SDK2: variants seen among roughly 807,000 people sequenced by gnomAD.
SDK2 encodes protein sidekick-2.
SDK2 carries 105 observed loss-of-function variants against 253.9 expected under a neutral mutation model. The ratio of observed to expected loss-of-function variants is 0.41; its 90% CI spans 0.35 to 0.49. SDK2 has a LOEUF of 0.49. Ranked by LOEUF, SDK2 falls within the 20% of genes least tolerant of loss-of-function variation. SDK2 has a pLI of 0.06. For missense variants in SDK2, 2,608 were observed against 3,003.0 expected, an observed-to-expected ratio of 0.87 and a Z score of 3.07; for synonymous variants, 1,249 against 1,234.9, an observed-to-expected ratio of 1.01 and a Z score of -0.24.
At chr17:73,429,380 G>A (rs767948669) in intron 12 of SDK2, among the ~76,000 whole-genome samples, 3 of 152,224 alleles carry the variant, frequency 2.0e-5, no homozygotes, top group Admixed American at 6.5e-5. Context: ...TTGTGCTAGC[G>A]TCATGTGATG....
intron 1 of SDK2, among the ~76,000 whole-genome samples, chr17:73,571,921 C>G (rs1567849813): frequency 6.6e-6 from 1 of 152,192 alleles, no homozygotes; most frequent in Non-Finnish European, 1.5e-5. Flanking sequence ...CATGGCCAAC[C>G]TCACGGCCCA....
chr17:73,418,941 C>T (rs866274159), intron 16 of SDK2, among the ~76,000 whole-genome samples: 1 of 152,126 alleles, frequency 6.6e-6, no homozygotes, highest in Non-Finnish European at 1.5e-5. Context: ...ATAGCCTCCC[C>T]TCTCACGCAT....
chr17:73,618,635 C>T lies in SDK2; in HGVS notation c.64+25390G>A, dbSNP rs765899818. Reference sequence around the variant, plus strand: ...CTAGAGTCCACGTGGTGCCCAAGAACGGCATGGGGGAGTCAGGGAAGCAGA... The same window carrying T: ...CTAGAGTCCACGTGGTGCCCAAGAATGGCATGGGGGAGTCAGGGAAGCAGA... On this transcript the variant is annotated intron_variant, in intron 1 of 44. Coordinates refer to ENST00000392650, the MANE Select transcript of SDK2 (RefSeq NM_001144952.2). The surrounding 1 kb of genome is among the most constrained non-coding windows in gnomAD (Gnocchi z 4.1). Among the ~76,000 whole-genome samples, 12 of 152,286 alleles carry T rather than the reference C, an allele frequency of 7.9e-5. No homozygotes were observed. Among genetic ancestry groups the T allele is most frequent in the South Asian group, 6.2e-4 (3 of 4,828 alleles).
chr17:73,401,559 T>C (rs945933780), intron 20 of SDK2, 95 bp downstream of exon 20: 2 of 1,184,316 alleles, frequency 1.7e-6, no homozygotes, highest in African/African-American at 3.0e-5. Flanking sequence ...CTTCAAGAGT[T>C]TGGGTGAAAA....
chr17:73,596,830 C>T (rs1390597299), intron 1 of SDK2, among the ~76,000 whole-genome samples: 1 of 152,214 alleles, frequency 6.6e-6, no homozygotes, highest in Non-Finnish European at 1.5e-5. Context: ...CCATGGCTGG[C>T]GGTGTCTGAG....
intron 1 of SDK2, among the ~76,000 whole-genome samples, chr17:73,515,307 G>A (rs2064016626): frequency 1.3e-5 from 2 of 152,198 alleles, no homozygotes; most frequent in Non-Finnish European, 2.9e-5. Context: ...GGTGGTGAGA[G>A]GGACGGGGGA....
chr17:73,501,713 G>T (rs1194145126), intron 2 of SDK2, among the ~76,000 whole-genome samples: 1 of 152,204 alleles, frequency 6.6e-6, no homozygotes, highest in Non-Finnish European at 1.5e-5. Flanking sequence ...TTTCTAGGGG[G>T]TTTGTTATCA....
chr17:73,558,362 G>A (rs759114489), intron 1 of SDK2, among the ~76,000 whole-genome samples: 7 of 148,962 alleles, frequency 4.7e-5, no homozygotes, highest in Non-Finnish European at 1.0e-4. Flanking sequence ...CCCAGGTAGA[G>A]ATGGAAAGAG....
intron 30 of SDK2, among the ~76,000 whole-genome samples, chr17:73,387,528 G>A (rs76038017): frequency 2.2e-4 from 33 of 152,286 alleles, no homozygotes; most frequent in African/African-American, 7.9e-4. Flanking sequence ...GGAAGATACC[G>A]CCCGGCTGGA....
In SDK2 at chr17:73,444,368, T is replaced by C. The variant is rs538120953; in HGVS notation, c.613+3247A>G. Among the ~76,000 whole-genome samples the C allele has an allele frequency of 5.2e-3, 796 of 152,218 alleles. 10 individuals carry two copies. Among genetic ancestry groups the C allele is most frequent in the African/African-American group, 0.018 (743 of 41,532 alleles). ...AGGTCACCCCAGCACAAGTGGGTTA[T>C]TGGGGTAAATGGGGCTCCAAAGGCC... On this transcript the variant is annotated intron_variant, in intron 5 of 44. Transcript: ENST00000392650.
At chr17:73,513,697 T>C (rs950686406) in intron 1 of SDK2, 1 of 152,214 alleles carries the variant, frequency 6.6e-6, no homozygotes, top group Non-Finnish European at 1.5e-5. Context: ...CCTGAATGCC[T>C]ATCAAGAGGG....
rs74653295 is a variant in SDK2 at position 73,385,233 on chromosome 17, T to C, written c.4569+614A>G. On this transcript the variant is annotated intron_variant, in intron 32 of 44. Transcript: ENST00000392650. ...TGAACTTCAGAGGGCACAGGAGGGC[T>C]CCGCGGGGCAGGACCCATGAGCAGC... Among the ~76,000 whole-genome samples the C allele has an allele frequency of 9.1e-3, 1,388 of 152,216 alleles. 37 individuals carry two copies. The highest frequency in any genetic ancestry group is 0.087 in the East Asian group (448 of 5,166).
chr17:73,459,054 A>G (rs530186528), intron 3 of SDK2, among the ~76,000 whole-genome samples: 7 of 152,192 alleles, frequency 4.6e-5, no homozygotes, highest in Non-Finnish European at 1.0e-4. Context: ...AACTCCCCTC[A>G]TGCCCTGCAA....
chr17:73,420,827 C>T (rs757293265), intron 15 of SDK2, among the ~76,000 whole-genome samples: 4 of 151,826 alleles, frequency 2.6e-5, no homozygotes, highest in Non-Finnish European at 4.4e-5. Context: ...AGGCACGTGC[C>T]GCCATGCCTG....
chr17:73,350,839 T>G (rs1365784356), intron 41 of SDK2, 49 bp from the exon 42 acceptor site: 1 of 1,548,572 alleles, frequency 6.5e-7, no homozygotes, highest in Non-Finnish European at 8.7e-7. Context: ...CCCTCCTCCC[T>G]CCAAATCTCC....
rs538049166 is a variant in SDK2, at chr17:73,532,926, C to A, written c.65-25329G>T. Reference sequence around the variant, plus strand: ...AACTCTATTGTGGCCCTCGGCACAGCGGTTTACCCAGACAGGCACTTAATA... The same window carrying A: ...AACTCTATTGTGGCCCTCGGCACAGAGGTTTACCCAGACAGGCACTTAATA... On this transcript the variant is annotated intron_variant, in intron 1 of 44. Transcript: ENST00000392650. 1.3e-3 allele frequency among the ~76,000 whole-genome samples: 198 copies of A among 152,306 alleles called. 1 individual carries two copies. Among genetic ancestry groups the A allele is most frequent in the Non-Finnish European group, 1.4e-3 (98 of 68,030 alleles).
chr17:73,497,515 G>C (rs1462028052), intron 2 of SDK2, among the ~76,000 whole-genome samples: 1 of 152,074 alleles, frequency 6.6e-6, no homozygotes, highest in East Asian at 1.9e-4. Context: ...ACTGAGTACA[G>C]TGTCTTCCCA....
At chr17:73,627,419 G>A (rs890231433) in intron 1 of SDK2, among the ~76,000 whole-genome samples, 1 of 152,176 alleles carries the variant, frequency 6.6e-6, no homozygotes, top group Non-Finnish European at 1.5e-5. Flanking sequence ...ATCTTTCAGC[G>A]ACGCCTCCTT....
At chr17:73,602,977 A>T (rs181057787) in intron 1 of SDK2, among the ~76,000 whole-genome samples, 1 of 152,278 alleles carries the variant, frequency 6.6e-6, no homozygotes, top group East Asian at 1.9e-4. Context: ...CACCCACCTC[A>T]GCCTCCCAAA....
Sources: gnomAD v4.1 joint callset for allele counts (sites outside exome capture counted in the v4.1 genomes callset) on GRCh38, gnomAD v4.1.1 for gene constraint, Gnocchi (gnomAD v3.1) non-coding constraint, MANE v1.5 for transcripts, NCBI Gene and HGNC (gene_info 2026-07-23, HGNC 2026-07-21) for gene names.